The following ADAMTS18 variants were observed in gnomAD, a reference collection of about 807,000 sequenced individuals.
ADAMTS18 encodes ADAM metallopeptidase with thrombospondin type 1 motif 18, also known as A disintegrin and metalloproteinase with thrombospondin motifs 18.
ADAMTS18 carries 157 observed loss-of-function variants against 165.9 expected under a neutral mutation model. The ratio of observed to expected loss-of-function variants is 0.95; its 90% CI spans 0.83 to 1.08. The LOEUF (loss-of-function observed/expected upper bound fraction) is 1.08, where lower values mean the gene tolerates loss of function less well. ADAMTS18 is among the 50% of genes least tolerant of loss of function. The pLI is 0.00. For synonymous variants in ADAMTS18, 782 were observed against 578.2 expected, an observed-to-expected ratio of 1.35 and a Z score of -5.06; for missense variants, 2,040 against 1,534.0, an observed-to-expected ratio of 1.33 and a Z score of -5.51.
intron 3 of ADAMTS18, among the ~76,000 whole-genome samples, chr16:77,429,286 G>A (rs999345034): frequency 1.3e-5 from 2 of 152,170 alleles, no homozygotes; most frequent in African/African-American, 4.8e-5. Context: ...TCTTTTGCAG[G>A]AACGTGGATG....
At position 77,295,133 on chromosome 16, in the gene ADAMTS18, A is replaced by G; in HGVS notation, c.2802-6T>C. 6.2e-7 allele frequency: 1 copy of G among 1,614,136 alleles called. No homozygotes were observed. ...TCCATTCACCTGGCATCCAGCTTTC[A>G]GTGCAAAACAAACATTACCAATGAA... On this transcript the variant is annotated splice_polypyrimidine_tract_variant and splice_region_variant and intron_variant, in intron 18 of 22. Transcript: ENST00000282849.
At chr16:77,300,942 G>A (rs1331559180) in intron 16 of ADAMTS18, among the ~76,000 whole-genome samples, 2 of 152,166 alleles carry the variant, frequency 1.3e-5, no homozygotes, top group Non-Finnish European at 2.9e-5. Flanking sequence ...CCCACTTAGA[G>A]TTGCTATCAT....
intron 12 of ADAMTS18, among the ~76,000 whole-genome samples, chr16:77,326,861 T>C (rs1175021209): frequency 6.6e-6 from 1 of 152,224 alleles, no homozygotes; most frequent in Non-Finnish European, 1.5e-5. Flanking sequence ...TTTTCAATCC[T>C]CTTCCTCCTC....
chr16:77,351,724 C>G (rs908289361), intron 10 of ADAMTS18, among the ~76,000 whole-genome samples: 3 of 151,980 alleles, frequency 2.0e-5, no homozygotes, highest in Admixed American at 1.3e-4. Flanking sequence ...ATAGAACAGT[C>G]TGTTAATTTT....
intron 3 of ADAMTS18, among the ~76,000 whole-genome samples, chr16:77,396,190 T>C (rs939478186): frequency 6.6e-6 from 1 of 152,194 alleles, no homozygotes. Flanking sequence ...CACCCAAGTT[T>C]TACCTAGAAT....
chr16:77,392,920 G>A (rs1293538517), intron 3 of ADAMTS18, among the ~76,000 whole-genome samples: 1 of 152,154 alleles, frequency 6.6e-6, no homozygotes, highest in Non-Finnish European at 1.5e-5. Flanking sequence ...GAGTGGGCTG[G>A]CAGAGGGAAC....
At position 77,430,614 on chromosome 16, in the gene ADAMTS18, T is replaced by A. The variant is rs143496020; in HGVS notation, c.495+681A>T. Among the ~76,000 whole-genome samples, 356 of 152,318 alleles carry A rather than the reference T, an allele frequency of 2.3e-3. 1 individual carries two copies. The highest frequency in any genetic ancestry group is 8.2e-3 in the African/African-American group (339 of 41,574). The stretch of plus-strand genomic sequence containing the variant: ...TCAACCCAGAACAACATTTACCGCC[T>A]CGTATATTTGATTGAATCCTGAGAA... On this transcript the variant is annotated intron_variant, in intron 3 of 22. Coordinates refer to ENST00000282849, the MANE Select transcript of ADAMTS18 (RefSeq NM_199355.4).
chr16:77,313,269 G>A (rs1191250748), intron 16 of ADAMTS18, among the ~76,000 whole-genome samples: 1 of 151,840 alleles, frequency 6.6e-6, no homozygotes, highest in Non-Finnish European at 1.5e-5. Flanking sequence ...ACAGGAAGGG[G>A]AAGAACACAC....
rs78338456 is a variant in ADAMTS18, at chr16:77,344,462, AAATC to A, written c.1615-2667_1615-2664del. On this transcript the variant is annotated intron_variant, in intron 10 of 22. Coordinates refer to ENST00000282849, the MANE Select transcript of ADAMTS18 (RefSeq NM_199355.4). ...TATTGAGTCACCCTCAGTTTGAGGG[AAATC>A]AATCAATGTGGGTAAGAGAGCCGCC... 5.1e-4 allele frequency among the ~76,000 whole-genome samples: 78 copies of A among 152,268 alleles called. 1 individual carries two copies. Among genetic ancestry groups the A allele is most frequent in the Admixed American group, 2.2e-3 (34 of 15,284 alleles).
intron 3 of ADAMTS18, among the ~76,000 whole-genome samples, chr16:77,416,839 C>T (rs1270015181): frequency 6.6e-6 from 1 of 152,114 alleles, no homozygotes; most frequent in South Asian, 2.1e-4. Context: ...GAAGAAGCTG[C>T]TACAGGAATC....
chr16:77,407,151 T>C (rs1029166425), intron 3 of ADAMTS18, among the ~76,000 whole-genome samples: 1 of 152,118 alleles, frequency 6.6e-6, no homozygotes, highest in African/African-American at 2.4e-5. Context: ...AGTGAGAGTG[T>C]TCTTAATAAG....
intron 3 of ADAMTS18, among the ~76,000 whole-genome samples, chr16:77,417,372 G>A (rs117378424): frequency 6.6e-6 from 1 of 152,106 alleles, no homozygotes; most frequent in East Asian, 1.9e-4. Context: ...TTAGTTACTG[G>A]CAGCTAGAAA....
In ADAMTS18 at chr16:77,367,451, T is replaced by C. The variant is rs1008928310; in HGVS notation, c.768A>G (p.Arg256=). 20 of 1,614,188 alleles carry C rather than the reference T, an allele frequency of 1.2e-5. No homozygotes were observed. Among genetic ancestry groups the C allele is most frequent in the Non-Finnish European group, 1.7e-5 (20 of 1,180,030 alleles). ...RRLQKQHFCG[R]RKKYAPKPPT... Reference sequence around the variant, plus strand: ...AGTTTCCTTACATACATTTCTTGCGTCGTCCACAAAAATGCTGCTTTTGCA... The same window carrying C: ...AGTTTCCTTACATACATTTCTTGCGCCGTCCACAAAAATGCTGCTTTTGCA... Residue 256 remains arginine (R), a synonymous_variant, in exon 4 of 23, where the codon CGA becomes CGG. Transcript: ENST00000282849.
intron 3 of ADAMTS18, among the ~76,000 whole-genome samples, chr16:77,412,298 A>G (rs949731325): frequency 6.6e-6 from 1 of 152,122 alleles, no homozygotes; most frequent in African/African-American, 2.4e-5. Flanking sequence ...AGTCTTTATA[A>G]CGCATGAGTC....
chr16:77,378,647 G>A (rs561067205), intron 3 of ADAMTS18, among the ~76,000 whole-genome samples: 27 of 152,198 alleles, frequency 1.8e-4, no homozygotes, highest in African/African-American at 6.0e-4. Flanking sequence ...CCCAGGTGAC[G>A]GAGGTTGCAG....
At chr16:77,415,725 CAA>C (rs71137817) in intron 3 of ADAMTS18, among the ~76,000 whole-genome samples, 26 of 101,906 alleles carry the variant, frequency 2.6e-4, no homozygotes, top group Admixed American at 3.3e-4. Context: ...GCTGGGTAGG[CAA>C]AAAAAAAAAA....
intron 3 of ADAMTS18, among the ~76,000 whole-genome samples, chr16:77,412,775 T>C (rs895320214): frequency 6.6e-6 from 1 of 151,996 alleles, no homozygotes; most frequent in African/African-American, 2.4e-5. Context: ...TGGGTGAAAA[T>C]GCCCCCATGA....
At chr16:77,359,527 A>C in intron 7 of ADAMTS18, 104 bp from the exon 8 acceptor site, 1 of 887,862 alleles carries the variant, frequency 1.1e-6, no homozygotes, top group Non-Finnish European at 1.8e-6. Flanking sequence ...AGTTTAATAG[A>C]TCAATGCATT....
rs575859013 is a variant in ADAMTS18 at position 77,387,005 on chromosome 16, C to T, written c.496-19282G>A. Among the ~76,000 whole-genome samples, 175 of 152,290 alleles carry T rather than the reference C, an allele frequency of 1.1e-3. 1 individual carries two copies. The highest frequency in any genetic ancestry group is 4.2e-3 in the African/African-American group (174 of 41,552). ...GCCTTCTGTAGCATCCAAAATGTCA[C>T]TCCAAACAGATGCTGGGGATGACAG... On this transcript the variant is annotated intron_variant, in intron 3 of 22. Coordinates refer to ENST00000282849, the MANE Select transcript of ADAMTS18 (RefSeq NM_199355.4).
Sources: allele counts gnomAD v4.1 joint callset (sites outside exome capture counted in the v4.1 genomes callset), GRCh38; gene constraint gnomAD v4.1.1; transcripts MANE v1.5; gene names NCBI Gene and HGNC (gene_info 2026-07-23, HGNC 2026-07-21).